Variants in ATP8A2 observed in about 807,000 individuals in gnomAD.
ATP8A2 encodes phospholipid-transporting ATPase IB.
ATP8A2 carries 100 observed loss-of-function variants against 165.6 expected under a neutral mutation model. The observed-to-expected ratio is 0.60, with a 90% CI of 0.51 to 0.71. ATP8A2 has a LOEUF of 0.71. ATP8A2 is among the 30% of genes least tolerant of loss of function. The pLI is 0.00. For missense variants in ATP8A2, 1,227 were observed against 1,479.5 expected (o/e 0.83, Z 2.80); for synonymous variants, 543 against 548.8 (o/e 0.99, Z 0.15).
At chr13:25,799,229 T>A (rs1950565428) in intron 27 of ATP8A2, among the ~76,000 whole-genome samples, 1 of 152,176 alleles carries the variant, frequency 6.6e-6, no homozygotes, top group African/African-American at 2.4e-5. Flanking sequence ...TAAGGGTTAG[T>A]TAACAACCTT....
At chr13:25,531,174 GATAT>G (rs369623718) in intron 4 of ATP8A2, among the ~76,000 whole-genome samples, 1 of 118,560 alleles carries the variant, frequency 8.4e-6, no homozygotes, top group Non-Finnish European at 1.7e-5. Context: ...TATGTTATAT[GATAT>G]ATATATGTTA....
At chr13:25,573,825 G>A (rs575558798) in intron 18 of ATP8A2, among the ~76,000 whole-genome samples, 12 of 152,316 alleles carry the variant, frequency 7.9e-5, no homozygotes, top group African/African-American at 2.6e-4. Context: ...AAAGATTGAT[G>A]AAGGCTGGAT....
At chr13:25,902,576 AAAAAAAAC>A (rs1418840314) in intron 33 of ATP8A2, among the ~76,000 whole-genome samples, 1 of 151,930 alleles carries the variant, frequency 6.6e-6, no homozygotes, top group African/African-American at 2.4e-5. Flanking sequence ...AATTTAAAAA[AAAAAAAAC>A]AAAAAAGAAT....
intron 33 of ATP8A2, among the ~76,000 whole-genome samples, chr13:25,940,309 C>A (rs1955037135): frequency 6.6e-6 from 1 of 152,196 alleles, no homozygotes; most frequent in African/African-American, 2.4e-5. Context: ...TGCCTCCCAT[C>A]TCCGAGTTAA....
At chr13:25,419,788 A>G (rs879509600) in intron 1 of ATP8A2, among the ~76,000 whole-genome samples, 1 of 152,236 alleles carries the variant, frequency 6.6e-6, no homozygotes, top group Non-Finnish European at 1.5e-5. Context: ...TGAGAGTGAA[A>G]TATAATCAAG....
intron 26 of ATP8A2, among the ~76,000 whole-genome samples, 194 bp from the exon 27 acceptor site, chr13:25,774,655 T>G (rs1437206828): frequency 1.3e-5 from 2 of 152,194 alleles, no homozygotes; most frequent in African/African-American, 4.8e-5. Flanking sequence ...AATAATAATG[T>G]AGTTTCAAGA....
At chr13:25,925,422 T>C (rs925882667) in intron 33 of ATP8A2, among the ~76,000 whole-genome samples, 1 of 151,744 alleles carries the variant, frequency 6.6e-6, no homozygotes, top group Non-Finnish European at 1.5e-5. Context: ...TAGTCCCAGC[T>C]ACTCGGGAGG....
intron 28 of ATP8A2, among the ~76,000 whole-genome samples, chr13:25,833,023 T>G (rs1164194002): frequency 6.6e-6 from 1 of 151,576 alleles, no homozygotes; most frequent in Non-Finnish European, 1.5e-5. Flanking sequence ...AGATAAATGA[T>G]AAATATATTT....
intron 24 of ATP8A2, among the ~76,000 whole-genome samples, chr13:25,645,464 GTTTGT>G (rs1230739509): frequency 1.3e-5 from 2 of 152,100 alleles, no homozygotes; most frequent in Non-Finnish European, 2.9e-5. Flanking sequence ...AGTGAGCTTA[GTTTGT>G]TCTTCTTTTT....
chr13:25,582,088 C>G lies in ATP8A2; in HGVS notation c.2146+131C>G, dbSNP rs2039792693. The G allele has an allele frequency of 3.6e-5, 34 of 936,736 alleles. No individual in the cohort carries two copies. The South Asian group carries it at 6.0e-4, about 16-fold the overall frequency. The allele number at this position is 936,736 out of a possible 1,614,324, so 58.0% of individuals were successfully genotyped here. A position where few individuals can be genotyped will look rare whatever the true frequency, so the allele number is the denominator to read the frequency against. ...TTTATAGGAATCTTCATTCACAAGG[C>G]TAAGGAAAATTGACCTAAATCAAAT... is the stretch of plus-strand genomic sequence containing the variant. On this transcript the variant is annotated intron_variant, in intron 23 of 36. Transcript: ENST00000381655.
At chr13:26,000,087 A>G (rs1369368549) in intron 35 of ATP8A2, among the ~76,000 whole-genome samples, 1 of 152,162 alleles carries the variant, frequency 6.6e-6, no homozygotes, top group African/African-American at 2.4e-5. Context: ...TGGCTATGAA[A>G]TATCATTCTC....
At chr13:25,398,714 A>G (rs2033516138) in intron 1 of ATP8A2, among the ~76,000 whole-genome samples, 1 of 152,218 alleles carries the variant, frequency 6.6e-6, no homozygotes, top group African/African-American at 2.4e-5. Flanking sequence ...GGAACTCAGG[A>G]GGGGAGGAAG....
chr13:25,907,786 C>T (rs1332088027), intron 33 of ATP8A2, among the ~76,000 whole-genome samples: 1 of 152,186 alleles, frequency 6.6e-6, no homozygotes, highest in Non-Finnish European at 1.5e-5. Context: ...TATGTCTACA[C>T]CAAGGCTAGG....
intron 2 of ATP8A2, among the ~76,000 whole-genome samples, chr13:25,529,289 G>C (rs2137896684): frequency 6.6e-6 from 1 of 152,258 alleles, no homozygotes; most frequent in Non-Finnish European, 1.5e-5. Context: ...TTATTTCACT[G>C]TTCACTCACT....
chr13:25,639,642 A>G (rs2041462484), intron 24 of ATP8A2, among the ~76,000 whole-genome samples: 1 of 152,210 alleles, frequency 6.6e-6, no homozygotes, highest in Admixed American at 6.5e-5. Flanking sequence ...AGACTCCCAC[A>G]CAATTATAGT....
At chr13:25,903,771 G>A (rs139220365) in intron 33 of ATP8A2, among the ~76,000 whole-genome samples, 2 of 152,190 alleles carry the variant, frequency 1.3e-5, no homozygotes, top group East Asian at 3.9e-4. Context: ...ACCTTACCCT[G>A]TTTCCAAGTC....
At chr13:25,943,117 C>A (rs540994174) in intron 33 of ATP8A2, among the ~76,000 whole-genome samples, 2 of 152,158 alleles carry the variant, frequency 1.3e-5, no homozygotes, top group Admixed American at 6.5e-5. Flanking sequence ...AGGGTTTGAA[C>A]CTAGGGAGCA....
At chr13:25,405,304 G>C (rs1022504013) in intron 1 of ATP8A2, among the ~76,000 whole-genome samples, 1 of 152,188 alleles carries the variant, frequency 6.6e-6, no homozygotes, top group East Asian at 1.9e-4. Context: ...AAGTTGATCC[G>C]AGTCCAGCAA....
chr13:25,395,706 T>G (rs1485685668), intron 1 of ATP8A2, among the ~76,000 whole-genome samples: 2 of 152,080 alleles, frequency 1.3e-5, no homozygotes, highest in Non-Finnish European at 1.5e-5. Context: ...TGGCTAATTT[T>G]TGAATTTTTT....
Sources: gnomAD v4.1 joint callset for allele counts (sites outside exome capture counted in the v4.1 genomes callset) on GRCh38, gnomAD v4.1.1 for gene constraint, MANE v1.5 for transcripts, NCBI Gene and HGNC (gene_info 2026-07-23, HGNC 2026-07-21) for gene names.